SAMHD1: variants seen among roughly 807,000 people sequenced by gnomAD.
SAMHD1 encodes SAM and HD domain containing deoxynucleoside triphosphate triphosphohydrolase 1.
In SAMHD1, 54 loss-of-function variants were observed where a neutral mutation model predicts 79.6. The ratio of observed to expected loss-of-function variants is 0.68; its 90% CI spans 0.55 to 0.85. The LOEUF (loss-of-function observed/expected upper bound fraction) is 0.85. Among genes scored for constraint, SAMHD1 ranks in the 40% least tolerant of loss-of-function variants. The pLI is 0.00. For synonymous variants in SAMHD1, 260 were observed against 264.1 expected (o/e 0.98, Z 0.15); for missense variants, 663 against 782.7 (o/e 0.85, Z 1.82).
In SAMHD1 at chr20:36,930,808, C is replaced by A. The variant is rs754917229; in HGVS notation, c.577G>T (p.Glu193Ter). ...ATCTGAACACAGAGAACATCTCGTT[C>A]ACTTATCTGCAGCTCTGGTTGTTTT... ...GEKQPELQIS[E>*]RDVLCVQIAG... Residue 193 changes from glutamate to a stop codon, truncating the protein, a stop_gained, in exon 5 of 16, where the codon GAA (glutamate) becomes TAA (stop). Coordinates refer to ENST00000646673, the MANE Select transcript of SAMHD1 (RefSeq NM_015474.4). LOFTEE classifies it high-confidence loss of function. 2 of 1,613,860 alleles carry A rather than the reference C, an allele frequency of 1.2e-6. No homozygotes were observed. The highest frequency in any genetic ancestry group is 1.7e-6 in the Non-Finnish European group (2 of 1,179,962).
At chr20:36,921,597 C>T (rs2063505561) in intron 6 of SAMHD1, among the ~76,000 whole-genome samples, 2 of 151,794 alleles carry the variant, frequency 1.3e-5, no homozygotes, top group African/African-American at 4.8e-5. Flanking sequence ...TTTTTGGAGA[C>T]AGAGTCTAGC....
Position 36,893,042 on chromosome 20 carries a change from T to G in SAMHD1, c.1771A>C (p.Ile591Leu). The G allele has an allele frequency of 6.2e-7, 1 of 1,613,784 alleles. No individual in the cohort carries two copies. Among genetic ancestry groups the G allele is most frequent in the Non-Finnish European group, 8.5e-7 (1 of 1,179,980 alleles). The part of the protein sequence containing the change: ...PQDGDVIAPL[I>L]TPQKKEWNDS... ...TTCCATTCCTTTTTTTGAGGTGTTA[T>G]GAGTGGGGCTATAACATCGCCATCC... Residue 591 changes from isoleucine to leucine, a missense_variant, in exon 16 of 16, where the codon ATA becomes CTA. Transcript: ENST00000646673.
intron 4 of SAMHD1, chr20:36,934,817 T>C (rs1157586329): frequency 2.1e-6 from 1 of 478,910 alleles, no homozygotes; most frequent in Non-Finnish European, 3.9e-6. Context: ...CACAATCATG[T>C]CTGGCTAATT....
rs2063733014 is a variant in SAMHD1 at position 36,951,333 on chromosome 20, C to G, written c.208+103G>C. The G allele has an allele frequency of 3.9e-6, 6 of 1,529,152 alleles. No homozygotes were observed. In the African/African-American group the frequency reaches 6.8e-5, roughly 17 times the overall value. 94.7% of individuals were successfully genotyped at this position (1,529,152 alleles called of 1,614,324 possible). On this transcript the variant is annotated intron_variant, in intron 1 of 15. Transcript: ENST00000646673. ...CCCGGGTGCCTCCCGCCGCAGGGCT[C>G]GCTCCTCGGCCTCGGTCCTCTCGTG...
chr20:36,905,589 T>A, intron 11 of SAMHD1, 86 bp from the exon 12 acceptor site: 2 of 1,176,672 alleles, frequency 1.7e-6, no homozygotes, highest in Non-Finnish European at 2.5e-6. Flanking sequence ...GAAATGATCT[T>A]AACAGGCAGT....
chr20:36,942,032 A>T (rs2063647781), intron 2 of SAMHD1, among the ~76,000 whole-genome samples: 1 of 152,128 alleles, frequency 6.6e-6, no homozygotes, highest in Non-Finnish European at 1.5e-5. Context: ...GTTGAGCAAA[A>T]CCGGAGTCAT....
At chr20:36,927,314 C>CCT in intron 5 of SAMHD1, 62 bp from the exon 6 acceptor site, 5 of 765,696 alleles carry the variant, frequency 6.5e-6, no homozygotes, top group Non-Finnish European at 2.0e-6. Context: ...AAACTTTTTC[C>CCT]TTTTTTTTTT....
intron 6 of SAMHD1, among the ~76,000 whole-genome samples, chr20:36,923,390 C>A (rs1199789976): frequency 1.3e-5 from 2 of 151,838 alleles, no homozygotes; most frequent in African/African-American, 4.8e-5. Context: ...TCACTGAGCT[C>A]CTGCCCGGGT....
intron 15 of SAMHD1, 183 bp from the exon 16 acceptor site, chr20:36,893,249 A>G: frequency 2.9e-6 from 2 of 683,628 alleles, no homozygotes; most frequent in South Asian, 3.7e-5. Flanking sequence ...GAAACACTAC[A>G]GTCTTACGCA....
chr20:36,945,240 C>A (rs1022776535), intron 2 of SAMHD1, among the ~76,000 whole-genome samples: 5 of 152,162 alleles, frequency 3.3e-5, no homozygotes, highest in Non-Finnish European at 5.9e-5. Context: ...ATAAAATTTA[C>A]TAAGCGTTAA....
At chr20:36,933,690 C>A (rs1316527583) in intron 4 of SAMHD1, among the ~76,000 whole-genome samples, 1 of 152,038 alleles carries the variant, frequency 6.6e-6, no homozygotes, top group Non-Finnish European at 1.5e-5. Flanking sequence ...GGGGTTTCAC[C>A]ATGTTGCTCA....
intron 3 of SAMHD1, among the ~76,000 whole-genome samples, chr20:36,936,972 C>A (rs985216062): frequency 1.3e-4 from 13 of 97,998 alleles, no homozygotes; most frequent in African/African-American, 2.6e-4. Context: ...GAAATCCCGT[C>A]TCTACTAAAA....
rs56389967 is a variant in SAMHD1, at chr20:36,909,680, CAAAAAAAAAA to C, written c.1270+1528_1270+1537del. On this transcript the variant is annotated intron_variant, in intron 11 of 15. Transcript: ENST00000646673. ...GAGCAAAACTCTGTCCACCCCCCTC[CAAAAAAAAAA>C]AAAAAAAAAAAAAAGAACCACCTTT... Among the ~76,000 whole-genome samples the C allele has an allele frequency of 2.7e-4, 33 of 121,154 alleles. 1 individual carries two copies. Among genetic ancestry groups the C allele is most frequent in the South Asian group, 4.7e-4 (2 of 4,298 alleles). 79.5% of individuals were successfully genotyped at this position (121,154 alleles called of 152,430 possible).
chr20:36,900,964 C>A (rs1037036417), intron 13 of SAMHD1, among the ~76,000 whole-genome samples: 1 of 151,976 alleles, frequency 6.6e-6, no homozygotes, highest in African/African-American at 2.4e-5. Flanking sequence ...ATGCTAACTA[C>A]CCTGATCTGA....
Position 36,913,369 on chromosome 20 carries a change from C to T in SAMHD1, c.1063-817G>A, listed in dbSNP as rs562090663. ...CTGTAACCCCAGCACTTTGGGAGGCCGAGGTGGGCAGATCACCTGAGGTCA... is the reference window on the plus strand; with the variant it reads ...CTGTAACCCCAGCACTTTGGGAGGCTGAGGTGGGCAGATCACCTGAGGTCA... On this transcript the variant is annotated intron_variant, in intron 9 of 15. Coordinates refer to ENST00000646673, the MANE Select transcript of SAMHD1 (RefSeq NM_015474.4). Among the ~76,000 whole-genome samples the T allele has an allele frequency of 1.1e-4, 17 of 151,356 alleles. 1 individual carries two copies. In the South Asian group the frequency reaches 3.3e-3, roughly 30 times the overall value.
intron 6 of SAMHD1, among the ~76,000 whole-genome samples, chr20:36,921,066 A>G (rs1030502346): frequency 1.3e-5 from 2 of 152,104 alleles, no homozygotes; most frequent in African/African-American, 4.8e-5. Flanking sequence ...CCTGGGCAAC[A>G]GAGCAAGACC....
At chr20:36,896,064 TTTTTCTTTTC>T (rs547936743) in intron 15 of SAMHD1, among the ~76,000 whole-genome samples, 22 of 151,880 alleles carry the variant, frequency 1.4e-4, no homozygotes, top group African/African-American at 5.1e-4. Context: ...CATCTGTGGA[TTTTTCTTTTC>T]TTTTCTTTTC....
intron 15 of SAMHD1, chr20:36,893,936 G>A: frequency 2.5e-6 from 1 of 398,616 alleles, no homozygotes; most frequent in Non-Finnish European, 4.4e-6. Context: ...GAGACTGGAG[G>A]TGAGAAGAGG....
intron 3 of SAMHD1, among the ~76,000 whole-genome samples, chr20:36,937,094 T>C (rs1359229888): frequency 6.6e-6 from 1 of 150,620 alleles, no homozygotes; most frequent in East Asian, 1.9e-4. Flanking sequence ...TGAGCTGAGA[T>C]TGTGCCACTG....
Sources: allele counts gnomAD v4.1 joint callset (sites outside exome capture counted in the v4.1 genomes callset), GRCh38; gene constraint gnomAD v4.1.1; transcripts MANE v1.5; gene names NCBI Gene and HGNC (gene_info 2026-07-23, HGNC 2026-07-21).